COL22A1: variants seen among roughly 807,000 people sequenced by gnomAD.
COL22A1 encodes the protein collagen alpha-1(XXII) chain.
A neutral mutation model predicts 248.9 loss-of-function variants in COL22A1; 221 were observed. The ratio of observed to expected loss-of-function variants is 0.89; its 90% CI spans 0.80 to 0.99. The LOEUF (loss-of-function observed/expected upper bound fraction) is 0.99, where lower values mean the gene tolerates loss of function less well. Among genes scored for constraint, COL22A1 ranks in the 50% least tolerant of loss-of-function variants. The probability of loss-of-function intolerance (pLI) is 0.00; values close to 1 mark genes in which losing one functional copy is unlikely to be tolerated. For missense variants in COL22A1, 2,240 were observed against 2,179.0 expected, an observed-to-expected ratio of 1.03 and a Z score of -0.56; for synonymous variants, 891 against 793.4, an observed-to-expected ratio of 1.12 and a Z score of -2.07.
rs115643261 is a variant in COL22A1, at chr8:138,840,347, A to G, written c.733+3737T>C. Among the ~76,000 whole-genome samples, 290 of 152,142 alleles carry G rather than the reference A, an allele frequency of 1.9e-3. 1 individual carries two copies. Among genetic ancestry groups the G allele is most frequent in the African/African-American group, 6.5e-3 (268 of 41,508 alleles). On this transcript the variant is annotated intron_variant, in intron 4 of 64. Coordinates refer to ENST00000303045, the MANE Select transcript of COL22A1 (RefSeq NM_152888.3). ...TCAGACTGAAGGATGCCCAGCTGACATTGTGATTTCTTTTCCAGGGAGACT... is the reference window on the plus strand; with the variant it reads ...TCAGACTGAAGGATGCCCAGCTGACGTTGTGATTTCTTTTCCAGGGAGACT...
chr8:138,898,954 T>C lies in COL22A1; in HGVS notation c.-73+14665A>G, dbSNP rs562143986. On this transcript the variant is annotated intron_variant, in intron 1 of 64. Transcript: ENST00000303045. ...CAAAAATACAAAAAAACCTGATACGTTGTCACAGATTATTTCTATTTTTTC... is the reference window on the plus strand; with the variant it reads ...CAAAAATACAAAAAAACCTGATACGCTGTCACAGATTATTTCTATTTTTTC... 1.2e-4 allele frequency among the ~76,000 whole-genome samples: 19 copies of C among 152,316 alleles called. No individual in the cohort carries two copies. The South Asian group carries it at 3.7e-3, about 30-fold the overall frequency.
At chr8:138,903,888 G>A (rs1387651611) in intron 1 of COL22A1, among the ~76,000 whole-genome samples, 1 of 152,120 alleles carries the variant, frequency 6.6e-6, no homozygotes, top group African/African-American at 2.4e-5. Flanking sequence ...GAGCTGCTGA[G>A]TTTGGGGGGC....
intron 23 of COL22A1, among the ~76,000 whole-genome samples, chr8:138,732,284 G>A (rs542670923): frequency 2.6e-5 from 4 of 152,316 alleles, no homozygotes; most frequent in Non-Finnish European, 4.4e-5. Context: ...CGCAAGAAGC[G>A]ACACTGTCAG....
At chr8:138,832,308 G>T (rs1474427178) in intron 5 of COL22A1, among the ~76,000 whole-genome samples, 1 of 152,014 alleles carries the variant, frequency 6.6e-6, no homozygotes, top group African/African-American at 2.4e-5. Context: ...CTTTCACTTT[G>T]CACCGTGGAC....
At chr8:138,756,277 T>C (rs527800110) in intron 18 of COL22A1, among the ~76,000 whole-genome samples, 27 of 152,288 alleles carry the variant, frequency 1.8e-4, no homozygotes, top group African/African-American at 6.5e-4. Context: ...TCAATAAGTA[T>C]TTATCAAATA....
At chr8:138,839,091 A>G (rs1001046060) in intron 4 of COL22A1, among the ~76,000 whole-genome samples, 5 of 152,170 alleles carry the variant, frequency 3.3e-5, no homozygotes, top group African/African-American at 1.2e-4. Flanking sequence ...CAGGAAAGGG[A>G]TGATTTGATC....
At chr8:138,725,758 C>G (rs1340137363) in intron 23 of COL22A1, among the ~76,000 whole-genome samples, 3 of 4,420 alleles carry the variant, frequency 6.8e-4, no homozygotes, top group Non-Finnish European at 4.3e-3. Flanking sequence ...TGCAGACACA[C>G]ACACACACAC....
At chr8:138,754,196 A>G (rs1832818022) in intron 21 of COL22A1, among the ~76,000 whole-genome samples, 1 of 152,232 alleles carries the variant, frequency 6.6e-6, no homozygotes, top group South Asian at 2.1e-4. Flanking sequence ...ACATGTATGT[A>G]TGCATAGAAA....
At chr8:138,669,319 C>T (rs1291004283) in intron 41 of COL22A1, among the ~76,000 whole-genome samples, 1 of 152,184 alleles carries the variant, frequency 6.6e-6, no homozygotes, top group Non-Finnish European at 1.5e-5. Flanking sequence ...GAGGGCTCGG[C>T]CACGGCCGTG....
chr8:138,640,958 T>C (rs1288162693), intron 47 of COL22A1, among the ~76,000 whole-genome samples: 2 of 152,226 alleles, frequency 1.3e-5, no homozygotes, highest in Admixed American at 1.3e-4. Context: ...ACAGGCCTTG[T>C]TGGCTTCCTG....
At chr8:138,835,943 A>G (rs1820399121) in intron 4 of COL22A1, among the ~76,000 whole-genome samples, 1 of 152,150 alleles carries the variant, frequency 6.6e-6, no homozygotes, top group African/African-American at 2.4e-5. Context: ...ACCTCTCTGG[A>G]CCTCATGTCT....
At chr8:138,817,290 A>C (rs73366838) in intron 7 of COL22A1, among the ~76,000 whole-genome samples, 5,122 of 152,160 alleles carry the variant, frequency 0.034, 264 homozygotes, top group African/African-American at 0.11. Context: ...GTGTTGGGGA[A>C]CTCTGGAGCC....
intron 54 of COL22A1, 126 bp downstream of exon 54, chr8:138,616,788 C>T: frequency 9.5e-7 from 1 of 1,048,590 alleles, no homozygotes. Flanking sequence ...TTGCTCCATG[C>T]TGGTGTGCTC....
At chr8:138,901,705 A>G (rs987636845) in intron 1 of COL22A1, among the ~76,000 whole-genome samples, 6 of 151,898 alleles carry the variant, frequency 4.0e-5, no homozygotes, top group Non-Finnish European at 7.4e-5. Context: ...AAGACCCAAA[A>G]CGACATAAAT....
At chr8:138,614,797 C>A (rs1250698410) in intron 55 of COL22A1, among the ~76,000 whole-genome samples, 1 of 152,178 alleles carries the variant, frequency 6.6e-6, no homozygotes, top group Non-Finnish European at 1.5e-5. Context: ...AAGACAGATT[C>A]CACAGCTAAG....
intron 3 of COL22A1, among the ~76,000 whole-genome samples, chr8:138,855,469 G>A (rs961977582): frequency 3.3e-5 from 5 of 152,164 alleles, no homozygotes; most frequent in African/African-American, 9.7e-5. Context: ...GAGCAGGCTC[G>A]GCTCCTCATT....
chr8:138,700,781 G>A (rs1052306452), intron 31 of COL22A1, among the ~76,000 whole-genome samples: 6 of 152,126 alleles, frequency 3.9e-5, no homozygotes, highest in Non-Finnish European at 8.8e-5. Flanking sequence ...TCAGGAGATT[G>A]AGACCGCCCT....
At chr8:138,617,008 C>A (rs1429272197) in intron 53 of COL22A1, 50 bp from the exon 54 acceptor site, 1 of 1,602,908 alleles carries the variant, frequency 6.2e-7, no homozygotes, top group Non-Finnish European at 8.5e-7. Flanking sequence ...GCTCTTGGGG[C>A]AGAAGTGGGC....
intron 46 of COL22A1, among the ~76,000 whole-genome samples, chr8:138,647,675 A>G (rs1173222752): frequency 1.3e-5 from 2 of 152,140 alleles, no homozygotes; most frequent in African/African-American, 4.8e-5. Flanking sequence ...AGAAAGGACT[A>G]CCCAGGTGGG....
Sources: gnomAD v4.1 joint callset for allele counts (sites outside exome capture counted in the v4.1 genomes callset) on GRCh38, gnomAD v4.1.1 for gene constraint, MANE v1.5 for transcripts, NCBI Gene and HGNC (gene_info 2026-07-23, HGNC 2026-07-21) for gene names.